The following STAG1 variants were observed in gnomAD, a reference collection of about 807,000 sequenced individuals.
STAG1 encodes STAG1 cohesin complex component.
A neutral mutation model predicts 170.9 loss-of-function variants in STAG1; 26 were observed. The observed-to-expected ratio is 0.15, with a 90% CI of 0.11 to 0.21. STAG1 has a LOEUF of 0.21. STAG1 is among the 10% of genes least tolerant of loss of function. The pLI is 1.00. For missense variants in STAG1, 964 were observed against 1,509.5 expected, an observed-to-expected ratio of 0.64 and a Z score of 5.99; for synonymous variants, 514 against 497.7, an observed-to-expected ratio of 1.03 and a Z score of -0.44.
intron 1 of STAG1, chr3:136,736,396 A>G: frequency 1.2e-6 from 1 of 847,342 alleles, no homozygotes. Context: ...AGCAAATACT[A>G]CTCTATGTTG....
chr3:136,701,267 T>C (rs1279366895), intron 1 of STAG1, among the ~76,000 whole-genome samples: 1 of 152,172 alleles, frequency 6.6e-6, no homozygotes, highest in Non-Finnish European at 1.5e-5. Flanking sequence ...TCCTTATTTT[T>C]TAATATCCAA....
chr3:136,699,126 G>C (rs1942976832), intron 1 of STAG1, among the ~76,000 whole-genome samples: 1 of 152,154 alleles, frequency 6.6e-6, no homozygotes, highest in African/African-American at 2.4e-5. Context: ...AGTGTACACT[G>C]CTTGGGTGAC....
intron 9 of STAG1, among the ~76,000 whole-genome samples, chr3:136,478,573 A>G (rs531142181): frequency 2.0e-5 from 3 of 152,318 alleles, no homozygotes; most frequent in African/African-American, 7.2e-5. Flanking sequence ...CCAATTTACA[A>G]AAGGCAATAA....
chr3:136,396,211 T>G (rs79759243), intron 22 of STAG1, among the ~76,000 whole-genome samples: 1 of 137,448 alleles, frequency 7.3e-6, no homozygotes, highest in Non-Finnish European at 1.6e-5. Context: ...GTAACACAGT[T>G]TTTTTTTTTT....
intron 6 of STAG1, among the ~76,000 whole-genome samples, chr3:136,528,561 A>G (rs989415755): frequency 7.2e-6 from 1 of 138,864 alleles, no homozygotes; most frequent in Non-Finnish European, 1.5e-5. Flanking sequence ...AAAGAAGCTC[A>G]GTGAGATACA....
At chr3:136,419,956 T>A (rs1055951793) in intron 20 of STAG1, among the ~76,000 whole-genome samples, 8 of 152,008 alleles carry the variant, frequency 5.3e-5, no homozygotes, top group African/African-American at 1.9e-4. Flanking sequence ...CCTTAAGTAA[T>A]TAAATGATAG....
At chr3:136,591,556 GAAAA>G (rs746552079) in intron 4 of STAG1, 10 of 356,434 alleles carry the variant, frequency 2.8e-5, no homozygotes, top group South Asian at 6.2e-5. Context: ...ATCTCTATTT[GAAAA>G]AAAAAAAAAA....
intron 13 of STAG1, among the ~76,000 whole-genome samples, chr3:136,452,503 G>A (rs1413247950): frequency 6.6e-6 from 1 of 151,450 alleles, no homozygotes; most frequent in Non-Finnish European, 1.5e-5. Flanking sequence ...GGCGGAGCTT[G>A]CAGACAGCTG....
At chr3:136,630,842 A>T (rs1940304844) in intron 2 of STAG1, 28 bp downstream of exon 2, 1 of 1,502,156 alleles carries the variant, frequency 6.7e-7, no homozygotes, top group Admixed American at 2.2e-5. Flanking sequence ...CTTAAAAAAT[A>T]TAAAAAAAAG....
chr3:136,712,265 C>T (rs936928031), intron 1 of STAG1, among the ~76,000 whole-genome samples: 1 of 152,102 alleles, frequency 6.6e-6, no homozygotes, highest in African/African-American at 2.4e-5. Context: ...ATCCAACTGC[C>T]TCGGCCTCCA....
chr3:136,747,513 A>T (rs1935005156), intron 1 of STAG1, among the ~76,000 whole-genome samples: 1 of 151,870 alleles, frequency 6.6e-6, no homozygotes, highest in Admixed American at 6.6e-5. Flanking sequence ...ACATGGCAAA[A>T]TCTCATCTCT....
chr3:136,619,756 C>CAA (rs62857261), intron 3 of STAG1, among the ~76,000 whole-genome samples: 2,237 of 66,212 alleles, frequency 0.034, 111 homozygotes, highest in East Asian at 0.079. Flanking sequence ...GACTCTGTCT[C>CAA]AAAAAAAAAA....
At chr3:136,367,104 G>C (rs1430749879) in intron 24 of STAG1, 22 bp from the exon 25 acceptor site, 1 of 1,570,780 alleles carries the variant, frequency 6.4e-7, no homozygotes, top group South Asian at 1.2e-5. Context: ...TTACAAATTG[G>C]TTATGAATTC....
chr3:136,536,808 A>G (rs1935657222), intron 6 of STAG1, among the ~76,000 whole-genome samples: 1 of 151,662 alleles, frequency 6.6e-6, no homozygotes, highest in Admixed American at 6.6e-5. Flanking sequence ...CAAGTTTCTT[A>G]ACCCTTTTGT....
At chr3:136,615,374 G>T (rs1939532507) in intron 3 of STAG1, among the ~76,000 whole-genome samples, 1 of 138,378 alleles carries the variant, frequency 7.2e-6, no homozygotes, top group African/African-American at 2.7e-5. Flanking sequence ...TTGCCTGTGA[G>T]CTGAGATCGT....
chr3:136,490,028 T>TAGTTTTAATTTAATTTA (rs2090093341), intron 9 of STAG1, among the ~76,000 whole-genome samples: 1 of 152,196 alleles, frequency 6.6e-6, no homozygotes, highest in Non-Finnish European at 1.5e-5. Flanking sequence ...TATTTAATTT[T>TAGTTTTAATTTAATTTA]AGTTTTAATT....
At chr3:136,428,293 G>A (rs2088192978) in intron 16 of STAG1, among the ~76,000 whole-genome samples, 2 of 152,156 alleles carry the variant, frequency 1.3e-5, no homozygotes, top group African/African-American at 4.8e-5. Flanking sequence ...TGCCAGTAAT[G>A]TCTAACAAGA....
chr3:136,365,732 G>A (rs907301030), intron 25 of STAG1, among the ~76,000 whole-genome samples: 2 of 151,996 alleles, frequency 1.3e-5, no homozygotes, highest in Non-Finnish European at 2.9e-5. Flanking sequence ...AAAGTAAATG[G>A]TCACTGGAAG....
chr3:136,501,560 G>T (rs1221767840), intron 8 of STAG1, among the ~76,000 whole-genome samples: 1 of 152,160 alleles, frequency 6.6e-6, no homozygotes, highest in Admixed American at 6.5e-5. Flanking sequence ...GAGAAGTCTG[G>T]AACACAACCT....
Sources: gnomAD v4.1 joint callset for allele counts (sites outside exome capture counted in the v4.1 genomes callset) on GRCh38, gnomAD v4.1.1 for gene constraint, MANE v1.5 for transcripts, NCBI Gene and HGNC (gene_info 2026-07-23, HGNC 2026-07-21) for gene names.